The following SSX5 variants were observed in gnomAD, a reference collection of about 807,000 sequenced individuals.
The protein encoded by SSX5 is SSX family member 5.
A neutral mutation model predicts 14.9 loss-of-function variants in SSX5; 14 were observed. The observed-to-expected ratio is 0.94, with a 90% confidence interval of 0.62 to 1.47. SSX5 has a LOEUF of 1.47. Among genes scored for constraint, SSX5 ranks in the 40% most tolerant of loss-of-function variants. SSX5 has a pLI of 0.00. For synonymous variants in SSX5, 70 were observed against 55.4 expected (o/e 1.26, Z -1.17); for missense variants, 204 against 154.6 (o/e 1.32, Z -1.70).
chrX:48,187,385 G>A (rs1309703223), intron 7 of SSX5, among the ~76,000 whole-genome samples: 54 of 110,727 alleles, frequency 4.9e-4, no homozygotes, highest in African/African-American at 1.6e-3. Context: ...GCGTGAACAC[G>A]GGAGGCGGAG....
chrX:48,190,081 T>A lies in SSX5; in HGVS notation c.466+52A>T, dbSNP rs1556924450. 56 of 1,198,629 alleles carry A rather than the reference T, an allele frequency of 4.7e-5. No individual in the cohort carries two copies. In the South Asian group the frequency reaches 9.9e-4, roughly 21 times the overall value. ...ATGCCACACACCCAGTCCACACACC[T>A]GAACTTAGCGAGAAAAGCCAGAGTG... is the stretch of plus-strand genomic sequence containing the variant. On this transcript the variant is annotated intron_variant, in intron 6 of 7. Coordinates refer to ENST00000347757, the MANE Select transcript of SSX5 (RefSeq NM_175723.2).
chrX:48,187,006 G>T (rs1221083272), intron 7 of SSX5, 150 bp from the exon 8 acceptor site: 5 of 699,073 alleles, frequency 7.2e-6, no homozygotes, highest in Middle Eastern at 4.6e-4. Context: ...TCCTTGAAGT[G>T]AACCATCTGC....
chrX:48,196,333 T>C (rs1467131676), intron 1 of SSX5, among the ~76,000 whole-genome samples: 1 of 106,852 alleles, frequency 9.4e-6, no homozygotes, highest in African/African-American at 3.4e-5. Flanking sequence ...TCCCAAGGCC[T>C]AGGCAACAGG....
chrX:48,190,100 C>G (rs782542612), intron 6 of SSX5, 33 bp downstream of exon 6: 10 of 1,205,120 alleles, frequency 8.3e-6, no homozygotes. Flanking sequence ...CGAGAAAAGC[C>G]AGAGTGGTTG....
At chrX:48,190,748 G>A (rs1331068271) in intron 5 of SSX5, among the ~76,000 whole-genome samples, 1 of 110,932 alleles carries the variant, frequency 9.0e-6, no homozygotes, top group Middle Eastern at 4.2e-3. Flanking sequence ...GAGAGGGAAA[G>A]AAATGGTTTG....
At chrX:48,189,868 A>T (rs1203325622) in intron 6 of SSX5, among the ~76,000 whole-genome samples, 1 of 112,152 alleles carries the variant, frequency 8.9e-6, no homozygotes, top group Admixed American at 9.5e-5. Flanking sequence ...ATGAACTGAG[A>T]TTCTTTATTT....
Position 48,196,763 on chromosome X carries a change from G to A in SSX5, c.-53C>T, listed in dbSNP as rs1308445530. On this transcript the variant is annotated 5_prime_UTR_variant, in exon 1 of 8. It adds an upstream start codon to the 5' untranslated region. Transcript: ENST00000347757. Reference sequence around the variant, plus strand: ...TTGGAAGAATCGAAACAATCAGAGCGTGCGTACTCTGTGGAAAAATCGAGA... The same window carrying A: ...TTGGAAGAATCGAAACAATCAGAGCATGCGTACTCTGTGGAAAAATCGAGA... The A allele has an allele frequency of 3.6e-5, 4 of 111,640 alleles. No homozygotes were observed. Among genetic ancestry groups the A allele is most frequent in the Admixed American group, 9.6e-5 (1 of 10,390 alleles). 9.2% of individuals were successfully genotyped at this position (111,640 alleles called of 1,213,427 possible).
chrX:48,196,376 A>T (rs1179776902), intron 1 of SSX5, among the ~76,000 whole-genome samples: 1 of 104,936 alleles, frequency 9.5e-6, no homozygotes, highest in African/African-American at 3.5e-5. Context: ...GATTTGAGTG[A>T]GTTTTTTTTT....
chrX:48,189,258 C>T (rs2059410822), intron 6 of SSX5, among the ~76,000 whole-genome samples: 1 of 112,069 alleles, frequency 8.9e-6, no homozygotes, highest in Non-Finnish European at 1.9e-5. Context: ...AAGGAGATGC[C>T]ATCTAGGACT....
intron 5 of SSX5, 30 bp downstream of exon 5, chrX:48,192,202 T>C: frequency 2.5e-6 from 3 of 1,210,551 alleles, no homozygotes; most frequent in Non-Finnish European, 3.4e-6. Flanking sequence ...ACAAAGGTTC[T>C]CTGGTCCTTT....
In SSX5 at chrX:48,190,179, G is replaced by T. The variant is rs2059414233; in HGVS notation, c.420C>A (p.Arg140=). 8.3e-7 allele frequency: 1 copy of T among 1,208,484 alleles called. No individual in the cohort carries two copies. Among genetic ancestry groups the T allele is most frequent in the Non-Finnish European group, 1.1e-6 (1 of 894,596 alleles). The change falls in exon 6 of 8, where the codon CGC becomes CGA. Residue 140 remains arginine, a synonymous_variant. Coordinates refer to ENST00000347757, the MANE Select transcript of SSX5 (RefSeq NM_175723.2). ...CAGAGGTATTTAGTTTTCCTGAGGGGCGCAGCTGTTTCCCATTGTTCTGTG... is the reference window on the plus strand; with the variant it reads ...CAGAGGTATTTAGTTTTCCTGAGGGTCGCAGCTGTTTCCCATTGTTCTGTG... ...SGPQNNGKQL[R]PSGKLNTSEK... is the part of the protein sequence containing the mutation.
intron 5 of SSX5, 128 bp from the exon 6 acceptor site, chrX:48,190,396 G>C: frequency 1.1e-6 from 1 of 876,986 alleles, no homozygotes; most frequent in Admixed American, 3.6e-5. Flanking sequence ...AGTTACACTT[G>C]CCTAAATTAG....
chrX:48,195,262 C>T, intron 2 of SSX5, 28 bp downstream of exon 2: 18 of 1,206,447 alleles, frequency 1.5e-5, no homozygotes, highest in South Asian at 3.5e-5. Flanking sequence ...CCCTGGGCCA[C>T]TACTATGCCC....
rs1392543389 is a variant in SSX5, at chrX:48,186,395, T to A, written c.*466A>T. The A allele has an allele frequency of 1.3e-5, 3 of 237,994 alleles. No homozygotes were observed. Among genetic ancestry groups the A allele is most frequent in the Non-Finnish European group, 7.5e-6 (1 of 133,040 alleles). The allele number at this position is 237,994 out of a possible 1,213,427, so 19.6% of individuals were successfully genotyped here. The stretch of plus-strand genomic sequence containing the variant: ...GTGTGTGTGTGTGTGTGTGTGTGTG[T>A]GTGTGTGTGCGCGCGCGCGCGCATG... On this transcript the variant is annotated 3_prime_UTR_variant, in exon 8 of 8. Coordinates refer to ENST00000347757, the MANE Select transcript of SSX5 (RefSeq NM_175723.2).
intron 2 of SSX5, 70 bp from the exon 3 acceptor site, chrX:48,194,924 C>A: frequency 8.3e-7 from 1 of 1,207,264 alleles, no homozygotes; most frequent in Non-Finnish European, 1.1e-6. Flanking sequence ...GGAGCCGCTT[C>A]CTGTGTGCTG....
At chrX:48,189,344 A>C (rs2059411145) in intron 6 of SSX5, among the ~76,000 whole-genome samples, 2 of 112,260 alleles carry the variant, frequency 1.8e-5, no homozygotes, top group Middle Eastern at 9.3e-3. Flanking sequence ...AAAGCATCAC[A>C]TACTACAGAG....
At chrX:48,193,379 A>C (rs1556925163) in intron 4 of SSX5, among the ~76,000 whole-genome samples, 3 of 111,592 alleles carry the variant, frequency 2.7e-5, no homozygotes, top group African/African-American at 6.5e-5. Flanking sequence ...ATGGGGAATA[A>C]TATTGAGTCC....
intron 2 of SSX5, 130 bp from the exon 3 acceptor site, chrX:48,194,984 C>G: frequency 8.3e-7 from 1 of 1,211,576 alleles, no homozygotes; most frequent in Non-Finnish European, 1.1e-6. Flanking sequence ...CCATGGCTAA[C>G]TGACAGAACA....
rs1327257757 is a variant in SSX5, at chrX:48,186,403, T to TGTGTGTGTGTGTGTGCGCGCGCGC, written c.*457_*458insGCGCGCGCGCACACACACACACAC. On this transcript the variant is annotated 3_prime_UTR_variant, in exon 8 of 8. Coordinates refer to ENST00000347757, the MANE Select transcript of SSX5 (RefSeq NM_175723.2). ...GTGTGTGTGTGTGTGTGTGTGTGTG[T>TGTGTGTGTGTGTGTGCGCGCGCGC]GCGCGCGCGCGCGCATGTGTGTCTG... The TGTGTGTGTGTGTGTGCGCGCGCGC allele has an allele frequency of 1.2e-4, 15 of 126,224 alleles. No individual in the cohort carries two copies. The highest frequency in any genetic ancestry group is 6.0e-4 in the African/African-American group (15 of 25,024). The allele number at this position is 126,224 out of a possible 1,213,427, so 10.4% of individuals were successfully genotyped here. A position where few individuals can be genotyped will look rare whatever the true frequency, so the allele number is the denominator to read the frequency against.
Sources: allele counts gnomAD v4.1 joint callset (sites outside exome capture counted in the v4.1 genomes callset), GRCh38; gene constraint gnomAD v4.1.1; transcripts MANE v1.5; gene names NCBI Gene and HGNC (gene_info 2026-07-23, HGNC 2026-07-21).